LRP1-AS: variants seen among roughly 807,000 people sequenced by gnomAD.
LRP1-AS encodes LRP1 antisense RNA.
intron 1 of LRP1-AS, among the ~76,000 whole-genome samples, chr12:57,145,907 G>A (rs1183109145): frequency 6.6e-6 from 1 of 152,134 alleles, no homozygotes; most frequent in Non-Finnish European, 1.5e-5. Flanking sequence ...GGGCCCAGCT[G>A]CTCTGTCTCC....
At chr12:57,145,382 G>A in intron 1 of LRP1-AS, 1 of 1,614,178 alleles carries the variant, frequency 6.2e-7, no homozygotes, top group Non-Finnish European at 8.5e-7. Context: ...CGTATGCTGG[G>A]TGCATGTTGG....
At chr12:57,144,700 C>T in exon 2 of LRP1-AS, 1 of 482,002 alleles carries the variant, frequency 2.1e-6, no homozygotes. Context: ...TTAAAGTTCA[C>T]TGATGCACCC....
intron 1 of LRP1-AS, chr12:57,145,543 A>G: frequency 6.3e-7 from 1 of 1,591,122 alleles, no homozygotes; most frequent in Non-Finnish European, 8.5e-7. Flanking sequence ...GGAGACAGGG[A>G]AGGTGGACCC....
intron 1 of LRP1-AS, among the ~76,000 whole-genome samples, chr12:57,145,769 T>C (rs2035393326): frequency 6.6e-6 from 1 of 152,164 alleles, no homozygotes; most frequent in Non-Finnish European, 1.5e-5. Flanking sequence ...GGACTGTCCC[T>C]TCTCTGAGAG....
At chr12:57,144,945 A>T in exon 2 of LRP1-AS, 1 of 1,609,542 alleles carries the variant, frequency 6.2e-7, no homozygotes, top group Non-Finnish European at 8.5e-7. Context: ...ACTGGAAATG[A>T]CCACATTCTT....
chr12:57,145,525 A>T, intron 1 of LRP1-AS: 1 of 1,602,980 alleles, frequency 6.2e-7, no homozygotes, highest in African/African-American at 1.3e-5. Context: ...AGGGCTGGGG[A>T]GGGTAGGGGA....
chr12:57,145,504 T>A (rs767719579), intron 1 of LRP1-AS: 1 of 1,610,494 alleles, frequency 6.2e-7, no homozygotes, highest in Non-Finnish European at 8.5e-7. Context: ...AGTCACCTGC[T>A]CTCAGCTTGG....
intron 1 of LRP1-AS, chr12:57,146,559 T>C (rs1263003246): frequency 6.6e-6 from 1 of 152,196 alleles, no homozygotes; most frequent in Non-Finnish European, 1.5e-5. Flanking sequence ...TTACAAGGGA[T>C]TCATTCTGGG....
rs191695306 is a variant in LRP1-AS at position 57,145,633 on chromosome 12, G to A, written n.182-550C>T. On this transcript the variant is annotated intron_variant and non_coding_transcript_variant, in intron 1 of 1. Coordinates refer to ENST00000555461, the Ensembl canonical transcript of LRP1-AS. Reference sequence around the variant, plus strand: ...AGCAGGAGGCTGGATACAATGGTGTGTGTTTGAGGCAGGGGCAGAGCCACC... The same window carrying A: ...AGCAGGAGGCTGGATACAATGGTGTATGTTTGAGGCAGGGGCAGAGCCACC... The A allele has an allele frequency of 1.1e-3, 1,188 of 1,117,938 alleles. 5 individuals are homozygous for A. Among genetic ancestry groups the A allele is most frequent in the Admixed American group, 3.2e-3 (147 of 46,226 alleles). The allele number at this position is 1,117,938 out of a possible 1,614,324, so 69.3% of individuals were successfully genotyped here.
chr12:57,145,256 A>G, intron 1 of LRP1-AS: 2 of 1,614,034 alleles, frequency 1.2e-6, no homozygotes, highest in East Asian at 4.5e-5. Context: ...TGTGCTGTTG[A>G]TAGCCAACTC....
At chr12:57,145,375 A>T (rs759749656) in intron 1 of LRP1-AS, 9 of 1,614,168 alleles carry the variant, frequency 5.6e-6, no homozygotes, top group Non-Finnish European at 7.6e-6. Context: ...ACGAGACCGT[A>T]TGCTGGGTGC....
exon 1 of LRP1-AS, chr12:57,147,515 C>T (rs1418850852): frequency 6.6e-6 from 1 of 152,326 alleles, no homozygotes; most frequent in Non-Finnish European, 1.5e-5. Context: ...CCCCTGCTTT[C>T]ACTCTGCCCT....
At chr12:57,144,775 G>A (rs1238319542) in exon 2 of LRP1-AS, 2 of 612,246 alleles carry the variant, frequency 3.3e-6, no homozygotes, top group African/African-American at 1.8e-5. Flanking sequence ...ATATGTACAC[G>A]AGTGTTTCTC....
chr12:57,145,920 G>A (rs537509376), intron 1 of LRP1-AS, among the ~76,000 whole-genome samples: 10 of 152,256 alleles, frequency 6.6e-5, no homozygotes, highest in Admixed American at 2.0e-4. Flanking sequence ...CTGTCTCCAT[G>A]GGCCATCGTT....
At chr12:57,145,178 G>A (rs763899641) in intron 1 of LRP1-AS, 1 of 1,613,334 alleles carries the variant, frequency 6.2e-7, no homozygotes, top group South Asian at 1.1e-5. Context: ...GGCCTGAGAG[G>A]TGGTCCTAGA....
exon 2 of LRP1-AS, chr12:57,144,872 G>T (rs1049329154): frequency 1.7e-6 from 2 of 1,191,906 alleles, no homozygotes; most frequent in South Asian, 2.5e-5. Flanking sequence ...GTCCTTCAAG[G>T]TAGCTGTAAG....
At chr12:57,146,348 C>T (rs2035405958) in intron 1 of LRP1-AS, 1 of 152,160 alleles carries the variant, frequency 6.6e-6, no homozygotes, top group South Asian at 2.1e-4. Flanking sequence ...GTTTAGTAAA[C>T]CAGAATTCCC....
exon 2 of LRP1-AS, chr12:57,144,816 G>T (rs912375822): frequency 2.8e-6 from 2 of 717,296 alleles, no homozygotes; most frequent in Non-Finnish European, 4.8e-6. Context: ...GACTTGCTGG[G>T]TGTTAAGGTT....
At chr12:57,145,497 C>A (rs938910804) in intron 1 of LRP1-AS, 1 of 1,611,414 alleles carries the variant, frequency 6.2e-7, no homozygotes, top group Non-Finnish European at 8.5e-7. Context: ...CACCGTGAGT[C>A]ACCTGCTCTC....
Sources: allele counts gnomAD v4.1 joint callset (sites outside exome capture counted in the v4.1 genomes callset), GRCh38; gene constraint gnomAD v4.1.1; transcripts MANE v1.5; gene names NCBI Gene and HGNC (gene_info 2026-07-23, HGNC 2026-07-21).